Variants in JDP2 observed in about 807,000 individuals in gnomAD.
JDP2 encodes the protein Jun dimerization protein 2.
Under a neutral mutation model 17.1 loss-of-function variants are expected in JDP2, and 9 were observed. That is an observed-to-expected ratio of 0.53 (90% CI 0.32 to 0.92). The LOEUF (loss-of-function observed/expected upper bound fraction) is 0.92. Among genes scored for constraint, JDP2 ranks in the 40% least tolerant of loss-of-function variants. JDP2 has a pLI of 0.04. For synonymous variants in JDP2, 107 were observed against 95.6 expected (o/e 1.12, Z -0.69); for missense variants, 179 against 220.0 (o/e 0.81, Z 1.18).
chr14:75,441,114 G>A (rs866956313), intron 2 of JDP2, among the ~76,000 whole-genome samples: 3 of 151,946 alleles, frequency 2.0e-5, no homozygotes, highest in Middle Eastern at 3.4e-3. Flanking sequence ...CTGTCTCCTA[G>A]TTCCGAGAGA....
At position 75,464,041 on chromosome 14, in the gene JDP2, C is replaced by T. The variant is rs371552336; in HGVS notation, c.306+2511C>T. Among the ~76,000 whole-genome samples the T allele has an allele frequency of 5.8e-4, 89 of 152,314 alleles. 1 individual carries two copies. The highest frequency in any genetic ancestry group is 1.9e-4 in the East Asian group (1 of 5,182). ...ATGTTGTTCCAGTGAGACAGAAGTG[C>T]GCGGCCTTGGGGTCTGGGAGGAGAT... On this transcript the variant is annotated intron_variant, in intron 3 of 3. Coordinates refer to ENST00000651602, the MANE Select transcript of JDP2 (RefSeq NM_001135048.2).
chr14:75,445,040 G>A (rs1175176703), intron 2 of JDP2: 3 of 922,754 alleles, frequency 3.3e-6, no homozygotes, highest in Non-Finnish European at 2.6e-6. Flanking sequence ...GCCTTAAGAA[G>A]GGCTGTCAAG....
intron 2 of JDP2, among the ~76,000 whole-genome samples, chr14:75,443,128 A>C (rs539898720): frequency 1.3e-5 from 2 of 152,214 alleles, no homozygotes; most frequent in Admixed American, 1.3e-4. Flanking sequence ...TGAAGTGTGA[A>C]TAGGAATCCA....
chr14:75,441,359 C>CAACACATGACGTTAAACTGT (rs1885344595), intron 2 of JDP2, among the ~76,000 whole-genome samples: 1 of 152,206 alleles, frequency 6.6e-6, no homozygotes, highest in South Asian at 2.1e-4. Context: ...ATTACATGGT[C>CAACACATGACGTTAAACTGT]AACACATGAC....
intron 1 of JDP2, among the ~76,000 whole-genome samples, chr14:75,436,283 G>C (rs1028562350): frequency 6.6e-6 from 1 of 152,204 alleles, no homozygotes; most frequent in African/African-American, 2.4e-5. Flanking sequence ...ACTCCTGCAG[G>C]AGACAGAGAG....
chr14:75,442,161 G>A (rs978028543), intron 2 of JDP2, among the ~76,000 whole-genome samples: 3 of 152,168 alleles, frequency 2.0e-5, no homozygotes, highest in Admixed American at 6.5e-5. Flanking sequence ...CTTGTTCACA[G>A]GGTGGTTTGC....
chr14:75,435,868 C>T (rs2140041326), intron 1 of JDP2, among the ~76,000 whole-genome samples: 1 of 152,220 alleles, frequency 6.6e-6, no homozygotes, highest in South Asian at 2.1e-4. Flanking sequence ...GTTAGAGGAG[C>T]CTGAGGACAC....
At chr14:75,466,334 G>C (rs1308669318) in intron 3 of JDP2, among the ~76,000 whole-genome samples, 1 of 152,158 alleles carries the variant, frequency 6.6e-6, no homozygotes, top group Admixed American at 6.5e-5. Context: ...CTAGCTACTT[G>C]GGTGGCTGAG....
At chr14:75,459,932 A>T (rs972964223) in intron 2 of JDP2, among the ~76,000 whole-genome samples, 1 of 152,108 alleles carries the variant, frequency 6.6e-6, no homozygotes, top group Non-Finnish European at 1.5e-5. Context: ...CTGAGTTTGA[A>T]TCCTAATCTG....
upstream of JDP2, chr14:75,427,098 G>C (rs1264385274): frequency 6.6e-6 from 1 of 152,328 alleles, no homozygotes; most frequent in African/African-American, 2.4e-5. The surrounding 1 kb of genome is among the most constrained non-coding windows in gnomAD (Gnocchi z 4.4). Flanking sequence ...CTTCCCTCTG[G>C]AGTCCCCTTC....
At chr14:75,457,346 C>T (rs1886158177) in intron 2 of JDP2, among the ~76,000 whole-genome samples, 1 of 152,220 alleles carries the variant, frequency 6.6e-6, no homozygotes, top group Admixed American at 6.5e-5. Flanking sequence ...CCAAGAAGGG[C>T]TGGGGAGAGT....
chr14:75,436,670 G>A (rs548905953), intron 1 of JDP2, among the ~76,000 whole-genome samples: 2 of 152,350 alleles, frequency 1.3e-5, no homozygotes, highest in South Asian at 4.1e-4. Context: ...GTAGGTAGGA[G>A]GAGCCCTTTA....
At chr14:75,437,099 CAGG>C (rs1203599635) in intron 1 of JDP2, among the ~76,000 whole-genome samples, 1 of 143,732 alleles carries the variant, frequency 7.0e-6, no homozygotes, top group African/African-American at 2.6e-5. Context: ...GAGGCTGAGA[CAGG>C]AGAATTGCTT....
intron 2 of JDP2, among the ~76,000 whole-genome samples, chr14:75,439,688 C>T (rs1256300891): frequency 1.3e-5 from 2 of 152,224 alleles, no homozygotes; most frequent in African/African-American, 2.4e-5. Context: ...ATGGTGATTA[C>T]ATTCTTCTGA....
chr14:75,452,358 A>G (rs1280053329), intron 2 of JDP2, among the ~76,000 whole-genome samples: 1 of 152,088 alleles, frequency 6.6e-6, no homozygotes, highest in Non-Finnish European at 1.5e-5. Context: ...CCCACCTTGC[A>G]GATGTGTTTG....
rs1886795241 is a variant in JDP2 at position 75,470,924 on chromosome 14, C to T, written c.*1449C>T. ...TTGTGACAAGCAGACATAGTCTCTT[C>T]CCTTCTCACAAGAGCACAAACTAGG... On this transcript the variant is annotated 3_prime_UTR_variant, in exon 4 of 4. Coordinates refer to ENST00000651602, the MANE Select transcript of JDP2 (RefSeq NM_001135048.2). The T allele has an allele frequency of 2.6e-5, 4 of 152,224 alleles. No homozygotes were observed. The allele number at this position is 152,224 out of a possible 1,614,324, so 9.4% of individuals were successfully genotyped here. A position where few individuals can be genotyped will look rare whatever the true frequency, so the allele number is the denominator to read the frequency against.
At chr14:75,432,509 C>T (rs934207447) in intron 1 of JDP2, among the ~76,000 whole-genome samples, 1 of 152,224 alleles carries the variant, frequency 6.6e-6, no homozygotes, top group African/African-American at 2.4e-5. Flanking sequence ...CGACTTCCAA[C>T]CCCTTATTTC....
intron 2 of JDP2, among the ~76,000 whole-genome samples, chr14:75,441,120 AGAGAGAGAGAGAGG>A (rs1183879118): frequency 1.1e-3 from 159 of 150,464 alleles, no homozygotes; most frequent in Admixed American, 9.2e-4. Context: ...CCTAGTTCCG[AGAGAGAGAGAGAGG>A]GAGAGAGAGA....
At chr14:75,456,121 C>T (rs912621412) in intron 2 of JDP2, among the ~76,000 whole-genome samples, 2 of 152,210 alleles carry the variant, frequency 1.3e-5, no homozygotes, top group African/African-American at 4.8e-5. Context: ...CTCAAACTCC[C>T]TTCAAGCCAA....
Sources: gnomAD v4.1 joint callset for allele counts (sites outside exome capture counted in the v4.1 genomes callset) on GRCh38, gnomAD v4.1.1 for gene constraint, Gnocchi (gnomAD v3.1) non-coding constraint, MANE v1.5 for transcripts, NCBI Gene and HGNC (gene_info 2026-07-23, HGNC 2026-07-21) for gene names.